The following HS6ST3 variants were observed in gnomAD, a reference collection of about 807,000 sequenced individuals.
HS6ST3 encodes the protein heparan-sulfate 6-O-sulfotransferase 3.
HS6ST3 carries 12 observed loss-of-function variants against 36.7 expected under a neutral mutation model. That is an observed-to-expected ratio of 0.33 (90% CI 0.21 to 0.53). HS6ST3 has a LOEUF of 0.53. Among genes scored for constraint, HS6ST3 ranks in the 20% least tolerant of loss-of-function variants. The pLI is 0.95. For missense variants in HS6ST3, 584 were observed against 640.9 expected, an observed-to-expected ratio of 0.91 and a Z score of 0.96; for synonymous variants, 240 against 257.5, an observed-to-expected ratio of 0.93 and a Z score of 0.65.
At chr13:96,587,090 T>G (rs956934048) in intron 1 of HS6ST3, among the ~76,000 whole-genome samples, 2 of 152,182 alleles carry the variant, frequency 1.3e-5, no homozygotes, top group Non-Finnish European at 2.9e-5. Flanking sequence ...TTGTTGAAAG[T>G]CAGTCAACTG....
intron 1 of HS6ST3, among the ~76,000 whole-genome samples, chr13:96,482,438 A>G (rs1444516820): frequency 6.6e-6 from 1 of 150,880 alleles, no homozygotes; most frequent in East Asian, 1.9e-4. Context: ...TTAGGTTCAC[A>G]GTTCTTGTTT....
intron 1 of HS6ST3, among the ~76,000 whole-genome samples, chr13:96,259,245 G>A (rs1034535442): frequency 6.6e-6 from 1 of 152,072 alleles, no homozygotes; most frequent in African/African-American, 2.4e-5. Flanking sequence ...TCAGGTGGTG[G>A]CAAATCATGA....
At chr13:96,404,268 T>C (rs1056767397) in intron 1 of HS6ST3, among the ~76,000 whole-genome samples, 3 of 152,162 alleles carry the variant, frequency 2.0e-5, no homozygotes, top group East Asian at 1.9e-4. Context: ...ATGGATTTCT[T>C]TGGAGGATGT....
chr13:96,410,227 AC>A (rs1481886524), intron 1 of HS6ST3, among the ~76,000 whole-genome samples: 1 of 152,194 alleles, frequency 6.6e-6, no homozygotes, highest in Non-Finnish European at 1.5e-5. Flanking sequence ...TAGACAATAC[AC>A]ATCAAAAGGT....
At chr13:96,431,268 A>G (rs975747735) in intron 1 of HS6ST3, among the ~76,000 whole-genome samples, 1 of 152,030 alleles carries the variant, frequency 6.6e-6, no homozygotes, top group African/African-American at 2.4e-5. Flanking sequence ...ATAAACCAAA[A>G]CCAAAACCAA....
At chr13:96,756,943 A>G (rs1008153632) in intron 1 of HS6ST3, among the ~76,000 whole-genome samples, 2 of 152,158 alleles carry the variant, frequency 1.3e-5, no homozygotes, top group African/African-American at 4.8e-5. Flanking sequence ...CTTACAGTTT[A>G]TATGGGTTGG....
chr13:96,546,584 G>A (rs574931145), intron 1 of HS6ST3, among the ~76,000 whole-genome samples: 28 of 152,034 alleles, frequency 1.8e-4, no homozygotes, highest in Non-Finnish European at 3.7e-4. Flanking sequence ...GCCTAACATC[G>A]TTTTAAAATG....
intron 1 of HS6ST3, among the ~76,000 whole-genome samples, chr13:96,676,149 C>A (rs754117559): frequency 6.6e-6 from 1 of 152,102 alleles, no homozygotes; most frequent in Non-Finnish European, 1.5e-5. Flanking sequence ...AACAGAAAAT[C>A]ATTTTCTTAC....
chr13:96,533,792 A>G (rs545706163), intron 1 of HS6ST3, among the ~76,000 whole-genome samples: 1 of 152,218 alleles, frequency 6.6e-6, no homozygotes, highest in Non-Finnish European at 1.5e-5. Context: ...CTTTGCAGGC[A>G]TTCACACCTC....
At chr13:96,420,199 G>A (rs904820054) in intron 1 of HS6ST3, among the ~76,000 whole-genome samples, 12 of 152,130 alleles carry the variant, frequency 7.9e-5, no homozygotes, top group African/African-American at 1.4e-4. Flanking sequence ...GCTTCATTCT[G>A]GCTGGGCAGG....
At chr13:96,669,305 T>C (rs2056675529) in intron 1 of HS6ST3, among the ~76,000 whole-genome samples, 1 of 152,156 alleles carries the variant, frequency 6.6e-6, no homozygotes, top group South Asian at 2.1e-4. Context: ...TGTAGTGCAC[T>C]GTGCAACTGT....
intron 1 of HS6ST3, among the ~76,000 whole-genome samples, chr13:96,114,053 TG>T (rs1222134946): frequency 2.0e-5 from 3 of 152,146 alleles, no homozygotes; most frequent in African/African-American, 7.2e-5. Flanking sequence ...TCTATACTTA[TG>T]GTCAGGTTCT....
intron 1 of HS6ST3, among the ~76,000 whole-genome samples, chr13:96,688,502 G>A (rs1005417785): frequency 3.9e-5 from 6 of 151,924 alleles, no homozygotes; most frequent in South Asian, 2.1e-4. Flanking sequence ...TAATTGCTGC[G>A]TGCACCTTTG....
chr13:96,241,952 AT>A (rs1183753978), intron 1 of HS6ST3, among the ~76,000 whole-genome samples: 1 of 150,992 alleles, frequency 6.6e-6, no homozygotes, highest in Non-Finnish European at 1.5e-5. Context: ...TGCCCGGCTA[AT>A]TTTTTGTATT....
At chr13:96,135,560 A>T (rs2053997587) in intron 1 of HS6ST3, among the ~76,000 whole-genome samples, 1 of 152,190 alleles carries the variant, frequency 6.6e-6, no homozygotes. Flanking sequence ...CTAGGGCAGA[A>T]CTAGATGCAA....
chr13:96,726,046 C>T (rs1047520766), intron 1 of HS6ST3, among the ~76,000 whole-genome samples: 2 of 152,262 alleles, frequency 1.3e-5, no homozygotes, highest in East Asian at 3.9e-4. Flanking sequence ...CCATCTTGGC[C>T]AGGCTAGTCT....
At chr13:96,140,812 A>G (rs931547138) in intron 1 of HS6ST3, among the ~76,000 whole-genome samples, 3 of 152,172 alleles carry the variant, frequency 2.0e-5, no homozygotes, top group African/African-American at 7.2e-5. Flanking sequence ...AGATTCTACT[A>G]TTGATTGAAG....
intron 1 of HS6ST3, among the ~76,000 whole-genome samples, chr13:96,508,980 T>C (rs1282611235): frequency 1.3e-5 from 2 of 152,134 alleles, no homozygotes; most frequent in East Asian, 1.9e-4. Context: ...GTAGAATATA[T>C]GCGTTCCCTT....
chr13:96,326,988 T>C (rs982677568), intron 1 of HS6ST3, among the ~76,000 whole-genome samples: 5 of 148,804 alleles, frequency 3.4e-5, no homozygotes, highest in African/African-American at 1.3e-4. Context: ...TTTTGAGAAG[T>C]GTCTGTTCAT....
Sources: gnomAD v4.1 joint callset for allele counts (sites outside exome capture counted in the v4.1 genomes callset) on GRCh38, gnomAD v4.1.1 for gene constraint, MANE v1.5 for transcripts, NCBI Gene and HGNC (gene_info 2026-07-23, HGNC 2026-07-21) for gene names.